Variants in HAVCR1 observed in about 807,000 individuals in gnomAD.
HAVCR1 encodes the protein T cell immunoglobin domain and mucin domain protein 1.
HAVCR1 carries 34 observed loss-of-function variants against 32.0 expected under a neutral mutation model. The observed-to-expected ratio is 1.06, with a 90% CI of 0.81 to 1.42. The LOEUF is 1.42. Among genes scored for constraint, HAVCR1 ranks in the 40% most tolerant of loss-of-function variants. HAVCR1 has a pLI of 0.00. For synonymous variants in HAVCR1, 178 were observed against 170.3 expected (o/e 1.05, Z -0.35); for missense variants, 420 against 442.3 (o/e 0.95, Z 0.45).
Position 157,055,209 on chromosome 5 carries a change from A to T in HAVCR1, c.371T>A (p.Ile124Asn). Residue 124 changes from isoleucine (I) to asparagine (N), a missense_variant, in exon 3 of 9, where the codon ATT becomes AAT. Transcript: ENST00000523175. ...ATCAAAGAAAAACTTACGTGGCACA[A>T]TCTCCAATGATACGGTGATTTTCAT... The part of the protein sequence containing the change: ...NDMKITVSLE[I>N]VPPKVTTTPI... 6.6e-7 allele frequency: 1 copy of T among 1,506,034 alleles called. No individual in the cohort carries two copies. The highest frequency in any genetic ancestry group is 9.0e-7 in the Non-Finnish European group (1 of 1,105,484). The allele number at this position is 1,506,034 out of a possible 1,614,324, so 93.3% of individuals were successfully genotyped here.
chr5:157,040,307 AAAAAG>A (rs1044819451), intron 6 of HAVCR1, among the ~76,000 whole-genome samples: 2 of 152,072 alleles, frequency 1.3e-5, no homozygotes, highest in South Asian at 2.1e-4. Context: ...TCAAAAAAAA[AAAAAG>A]AAAAGAAAAG....
In HAVCR1 at chr5:157,029,830, C is replaced by T; in HGVS notation, c.998G>A (p.Ser333Asn). 2 of 1,611,938 alleles carry T rather than the reference C, an allele frequency of 1.2e-6. No individual in the cohort carries two copies. The highest frequency in any genetic ancestry group is 1.7e-6 in the Non-Finnish European group (2 of 1,179,198). ...KEVQQLSVSF[S>N]SLQIKALQNA... The stretch of plus-strand genomic sequence containing the variant: ...TTGCAAAGCTTTAATTTGAAGGCTG[C>T]TAAATGAAACACTGTAGAAAGAGTT... The change falls in exon 9 of 9, where the codon AGC (serine) becomes AAC (asparagine). Residue 333 changes from serine to asparagine, a missense_variant. By Grantham distance (46) the Ser-to-Asn change is conservative (BLOSUM62 1). Transcript: ENST00000523175.
At chr5:157,062,229 C>T (rs557323123), upstream of HAVCR1, among the ~76,000 whole-genome samples, 2 of 152,162 alleles carry the variant, frequency 1.3e-5, no homozygotes, top group African/African-American at 4.8e-5. Context: ...GAACATGGGC[C>T]GGGCACGGTG....
At chr5:157,038,368 T>C (rs529345976) in intron 6 of HAVCR1, among the ~76,000 whole-genome samples, 1 of 152,256 alleles carries the variant, frequency 6.6e-6, no homozygotes, top group South Asian at 2.1e-4. Flanking sequence ...CGGGAAGGTA[T>C]TTTAATAGAA....
chr5:157,057,265 G>A (rs889834743), intron 2 of HAVCR1, among the ~76,000 whole-genome samples: 3 of 151,152 alleles, frequency 2.0e-5, no homozygotes, highest in South Asian at 2.1e-4. Flanking sequence ...GCAGTGAGCC[G>A]AGATCACGCC....
intron 7 of HAVCR1, among the ~76,000 whole-genome samples, chr5:157,033,545 A>G (rs1257525917): frequency 8.4e-6 from 1 of 118,850 alleles, no homozygotes; most frequent in Non-Finnish European, 1.6e-5. Context: ...TTCCCCAGAT[A>G]TCTCGATATC....
intron 2 of HAVCR1, among the ~76,000 whole-genome samples, chr5:157,057,386 GGAAA>G (rs544010943): frequency 0.081 from 6,385 of 79,064 alleles, 223 homozygotes; most frequent in Middle Eastern, 0.12. Flanking sequence ...GAGAGAGAGA[GGAAA>G]GAAAGAAAGA....
rs1165753937 is a variant in HAVCR1, at chr5:157,044,687, A to AG, written c.782-2006dup. On this transcript the variant is annotated intron_variant, in intron 5 of 8. Transcript: ENST00000523175. ...AAAGAAAGAAAGAAAGGAGGGAGGG[A>AG]GGAAGGAAGGAAGGAAGGAGAAAAG... Among the ~76,000 whole-genome samples the AG allele has an allele frequency of 6.9e-4, 102 of 147,196 alleles. 1 individual carries two copies. The highest frequency in any genetic ancestry group is 1.1e-3 in the African/African-American group (45 of 39,888).
rs560450410 is a variant in HAVCR1, at chr5:157,058,256, C to A, written c.-12-301G>T. ...GACTCCTGGTCCTGATACAGGGTATCAGGGGAACAAACAAAAAGGAAACAG... is the reference window on the plus strand; with the variant it reads ...GACTCCTGGTCCTGATACAGGGTATAAGGGGAACAAACAAAAAGGAAACAG... On this transcript the variant is annotated intron_variant, in intron 1 of 8. Coordinates refer to ENST00000523175, the MANE Select transcript of HAVCR1 (RefSeq NM_001173393.3). 54 of 275,346 alleles carry A rather than the reference C, an allele frequency of 2.0e-4. 1 individual carries two copies. Among genetic ancestry groups the A allele is most frequent in the Non-Finnish European group, 3.7e-4 (53 of 144,360 alleles). 17.1% of individuals were successfully genotyped at this position (275,346 alleles called of 1,614,324 possible).
At chr5:157,046,547 T>G (rs1755407463) in intron 5 of HAVCR1, among the ~76,000 whole-genome samples, 1 of 152,182 alleles carries the variant, frequency 6.6e-6, no homozygotes, top group Non-Finnish European at 1.5e-5. Context: ...TTGATGTTGG[T>G]GTGGGTGTCC....
chr5:157,061,046 C>T (rs183247171), upstream of HAVCR1, among the ~76,000 whole-genome samples: 34 of 152,152 alleles, frequency 2.2e-4, no homozygotes, highest in East Asian at 3.9e-4. Flanking sequence ...TACAGACACG[C>T]GCCACCATGC....
intron 7 of HAVCR1, among the ~76,000 whole-genome samples, chr5:157,035,209 T>C (rs1754455746): frequency 6.6e-6 from 1 of 152,126 alleles, no homozygotes; most frequent in Non-Finnish European, 1.5e-5. Flanking sequence ...AGTATCAAAA[T>C]TTCAGAGGGA....
At position 157,044,676 on chromosome 5, in the gene HAVCR1, A is replaced by AGAAAGAAAGGAAGGAGGGAG. The variant is rs142603344; in HGVS notation, c.782-1995_782-1994insCTCCCTCCTTCCTTTCTTTC. The stretch of plus-strand genomic sequence containing the variant: ...AAGAAAGAAAGAAAGAAAGAAAGAA[A>AGAAAGAAAGGAAGGAGGGAG]GGAGGGAGGGAGGAAGGAAGGAAGG... On this transcript the variant is annotated intron_variant, in intron 5 of 8. Coordinates refer to ENST00000523175, the MANE Select transcript of HAVCR1 (RefSeq NM_001173393.3). Among the ~76,000 whole-genome samples the AGAAAGAAAGGAAGGAGGGAG allele has an allele frequency of 8.2e-5, 9 of 109,542 alleles. 1 individual carries two copies. The East Asian group carries it at 2.8e-3, about 34-fold the overall frequency. The allele number at this position is 109,542 out of a possible 152,430, so 71.9% of individuals were successfully genotyped here. A position where few individuals can be genotyped will look rare whatever the true frequency, so the allele number is the denominator to read the frequency against.
rs1809941 is a variant in HAVCR1, at chr5:157,055,448, G to T, written c.132C>A (p.Ser44=). 1,382,300 of 1,610,852 alleles carry T rather than the reference G, an allele frequency of 0.86. 594,593 individuals are homozygous for T. The highest frequency in any genetic ancestry group is 0.98 in the East Asian group (44,124 of 44,858). Residue 44 remains serine, a synonymous_variant, in exon 3 of 9, where the codon TCC becomes TCA. Coordinates refer to ENST00000523175, the MANE Select transcript of HAVCR1 (RefSeq NM_001173393.3). ...AACATGAGCCTCTATTCCAGCACAT[G>T]GATGTGACAGCTCCACTGTAGTGGC... The part of the protein sequence containing the change: ...LPCHYSGAVT[S]MCWNRGSCSL...
At chr5:157,033,549 C>A (rs186143419) in intron 7 of HAVCR1, among the ~76,000 whole-genome samples, 4 of 124,638 alleles carry the variant, frequency 3.2e-5, no homozygotes, top group African/African-American at 1.3e-4. Context: ...CCAGATATCT[C>A]GATATCTCAT....
At chr5:157,037,797 T>C (rs1754624156) in intron 6 of HAVCR1, among the ~76,000 whole-genome samples, 1 of 152,144 alleles carries the variant, frequency 6.6e-6, no homozygotes, top group Admixed American at 6.6e-5. Context: ...CCAGGCATCC[T>C]GAGGTCAGGT....
intron 6 of HAVCR1, among the ~76,000 whole-genome samples, chr5:157,039,317 C>T (rs1172670684): frequency 6.6e-6 from 1 of 152,046 alleles, no homozygotes; most frequent in African/African-American, 2.4e-5. Flanking sequence ...TGTGTTATAA[C>T]CAACATATTA....
chr5:157,031,755 G>T (rs1349278416), intron 8 of HAVCR1, among the ~76,000 whole-genome samples: 1 of 148,300 alleles, frequency 6.7e-6, no homozygotes, highest in African/African-American at 2.5e-5. Flanking sequence ...AGGAGGTGGA[G>T]GTTGCAGATC....
In HAVCR1 at chr5:157,036,899, T is replaced by G. The variant is rs538282676; in HGVS notation, c.952+348A>C. On this transcript the variant is annotated intron_variant, in intron 7 of 8. Transcript: ENST00000523175. ...GTTTTGCTTTTTTGTTTTGTTTTTGTTTTTTTTTAAGAAATGGGGTCCCAC... is the reference window on the plus strand; with the variant it reads ...GTTTTGCTTTTTTGTTTTGTTTTTGGTTTTTTTTAAGAAATGGGGTCCCAC... Among the ~76,000 whole-genome samples, 81 of 137,042 alleles carry G rather than the reference T, an allele frequency of 5.9e-4. 1 individual carries two copies. The highest frequency in any genetic ancestry group is 2.5e-4 in the Non-Finnish European group (17 of 66,780). 89.9% of individuals were successfully genotyped at this position (137,042 alleles called of 152,430 possible).
Sources: allele counts gnomAD v4.1 joint callset (sites outside exome capture counted in the v4.1 genomes callset), GRCh38; gene constraint gnomAD v4.1.1; transcripts MANE v1.5; gene names NCBI Gene and HGNC (gene_info 2026-07-23, HGNC 2026-07-21).